Variants in URB2 observed in about 807,000 individuals in gnomAD.
URB2 encodes unhealthy ribosome biogenesis protein 2 homolog.
URB2 carries 86 observed loss-of-function variants against 120.9 expected under a neutral mutation model. The observed-to-expected ratio is 0.71, with a 90% CI of 0.60 to 0.85. The LOEUF (loss-of-function observed/expected upper bound fraction) is 0.85, where lower values mean the gene tolerates loss of function less well. URB2 is among the 40% of genes least tolerant of loss of function. The probability of loss-of-function intolerance (pLI) is 0.00; values close to 1 mark genes in which losing one functional copy is unlikely to be tolerated. For synonymous variants in URB2, 755 were observed against 758.4 expected (o/e 1.00, Z 0.07); for missense variants, 1,765 against 1,836.5 (o/e 0.96, Z 0.71).
At chr1:229,654,168 C>G in intron 8 of URB2, 81 bp from the exon 9 acceptor site, 1 of 1,562,298 alleles carries the variant, frequency 6.4e-7, no homozygotes. Context: ...TAATTTTCAC[C>G]CATATTAAAA....
intron 8 of URB2, among the ~76,000 whole-genome samples, chr1:229,652,939 C>A (rs1666316187): frequency 6.6e-6 from 1 of 152,228 alleles, no homozygotes; most frequent in Non-Finnish European, 1.5e-5. Context: ...TTCTCAGACA[C>A]ATTCATGGCT....
chr1:229,638,337 G>C, intron 4 of URB2, 90 bp downstream of exon 4: 4 of 1,387,352 alleles, frequency 2.9e-6, no homozygotes, highest in Non-Finnish European at 3.9e-6. Context: ...GTGAACACGT[G>C]ATGTGTTCAA....
chr1:229,656,281 C>G (rs1192618962), intron 9 of URB2, among the ~76,000 whole-genome samples: 1 of 152,214 alleles, frequency 6.6e-6, no homozygotes, highest in Non-Finnish European at 1.5e-5. Context: ...TATCACTTCA[C>G]TAAGAGCCAA....
intron 9 of URB2, among the ~76,000 whole-genome samples, chr1:229,656,855 T>C (rs16850044): frequency 0.1 from 15,616 of 152,220 alleles, 1,313 homozygotes; most frequent in East Asian, 0.42. Flanking sequence ...TAGAGCAAAT[T>C]TACAATGTCC....
chr1:229,645,832 C>T (rs779256036), intron 5 of URB2, 27 bp from the exon 6 acceptor site: 18 of 1,596,138 alleles, frequency 1.1e-5, no homozygotes, highest in African/African-American at 6.7e-5. Context: ...CTATCTCTGC[C>T]GCTAAGTTTT....
chr1:229,644,633 T>TA (rs1322000456), intron 5 of URB2, among the ~76,000 whole-genome samples: 1 of 151,614 alleles, frequency 6.6e-6, no homozygotes, highest in Non-Finnish European at 1.5e-5. Context: ...AGATAGCCTG[T>TA]AGGTGGGCAG....
At chr1:229,645,266 A>T in intron 5 of URB2, among the ~76,000 whole-genome samples, 1 of 148,792 alleles carries the variant, frequency 6.7e-6, no homozygotes, top group Non-Finnish European at 1.5e-5. Context: ...AGCCTGGGTG[A>T]CAGAGCGAGA....
chr1:229,628,061 C>G (rs1201647952), intron 2 of URB2, among the ~76,000 whole-genome samples: 4 of 144,918 alleles, frequency 2.8e-5, no homozygotes, highest in Non-Finnish European at 6.0e-5. Flanking sequence ...CCAGACTGGA[C>G]AACATAATGA....
At chr1:229,651,903 C>T (rs982540369) in intron 8 of URB2, among the ~76,000 whole-genome samples, 7 of 152,040 alleles carry the variant, frequency 4.6e-5, no homozygotes, top group African/African-American at 1.2e-4. Context: ...AATTGCTGGC[C>T]GGGCGCAGTG....
chr1:229,631,672 G>A (rs796851777), intron 2 of URB2, among the ~76,000 whole-genome samples: 31 of 152,318 alleles, frequency 2.0e-4, no homozygotes, highest in African/African-American at 6.3e-4. Context: ...CATTTTGGTG[G>A]AGCAGTCAGG....
In URB2 at chr1:229,633,786, A is replaced by G. The variant is rs1665726268; in HGVS notation, c.304-1131A>G. Among the ~76,000 whole-genome samples the G allele has an allele frequency of 2.0e-5, 3 of 152,208 alleles. No homozygotes were observed. The South Asian group carries it at 6.2e-4, about 31-fold the overall frequency. On this transcript the variant is annotated intron_variant, in intron 3 of 9. Transcript: ENST00000258243. The stretch of plus-strand genomic sequence containing the variant: ...AATTTTGGAATTTTGAGAGCAGTAG[A>G]CAATAGATTTGCTGTATAATAAGCA...
At chr1:229,627,540 C>A in intron 1 of URB2, 81 bp from the exon 2 acceptor site, 1 of 1,352,378 alleles carries the variant, frequency 7.4e-7, no homozygotes, top group Non-Finnish European at 1.0e-6. Context: ...AGATACAGTA[C>A]TGCAATACTG....
intron 2 of URB2, among the ~76,000 whole-genome samples, chr1:229,629,579 T>A (rs1665612125): frequency 6.6e-6 from 1 of 152,226 alleles, no homozygotes; most frequent in Non-Finnish European, 1.5e-5. Context: ...GTACATATCT[T>A]AATTTTAAAA....
chr1:229,635,235 C>CT lies in URB2; in HGVS notation c.623dup (p.Arg209GlufsTer30). 1.2e-6 allele frequency: 2 copies of CT among 1,614,252 alleles called. No homozygotes were observed. Among genetic ancestry groups the CT allele is most frequent in the Non-Finnish European group, 1.7e-6 (2 of 1,180,060 alleles). On this transcript the variant is annotated frameshift_variant, in exon 4 of 10. Coordinates refer to ENST00000258243, the MANE Select transcript of URB2 (RefSeq NM_014777.4). LOFTEE classifies it high-confidence loss of function. ...TCACCTGCTCCAGCCGTGCCTGGTC[C>CT]TGAGGCACTTACTCTCTGGGGGCAC...
At position 229,637,433 on chromosome 1, in the gene URB2, G is replaced by A. The variant is rs1445004399; in HGVS notation, c.2820G>A (p.Lys940=). The part of the protein sequence containing the change: ...GCSCSSSLAL[K]FLTTCYQLLG... The stretch of plus-strand genomic sequence containing the variant: ...CTTGCTCCTCCTCACTGGCTCTCAA[G>A]TTCTTGACGACTTGCTACCAACTTC... The change falls in exon 4 of 10, where the codon AAG becomes AAA. Residue 940 remains lysine, a synonymous_variant. Coordinates refer to ENST00000258243, the MANE Select transcript of URB2 (RefSeq NM_014777.4). 1 of 1,614,140 alleles carries A rather than the reference G, an allele frequency of 6.2e-7. No individual in the cohort carries two copies. The highest frequency in any genetic ancestry group is 2.2e-5 in the East Asian group (1 of 44,888).
Position 229,638,186 on chromosome 1 carries a change from G to A in URB2, c.3573G>A (p.Leu1191=). 3 of 1,613,122 alleles carry A rather than the reference G, an allele frequency of 1.9e-6. No homozygotes were observed. Among genetic ancestry groups the A allele is most frequent in the Non-Finnish European group, 2.5e-6 (3 of 1,179,714 alleles). The change falls in exon 4 of 10, where the codon CTG becomes CTA. Residue 1191 remains leucine (L), a synonymous_variant. Coordinates refer to ENST00000258243, the MANE Select transcript of URB2 (RefSeq NM_014777.4). ...FLTLFFLAPE[L]HPKKDSVFTS... The stretch of plus-strand genomic sequence containing the variant: ...CTCTGTTCTTTTTGGCCCCAGAACT[G>A]CATCCCAAAAAGGACTCCGTGTTTA...
At chr1:229,632,220 T>C (rs778868713) in intron 2 of URB2, 49 bp from the exon 3 acceptor site, 2 of 1,474,488 alleles carry the variant, frequency 1.4e-6, no homozygotes, top group Non-Finnish European at 1.8e-6. Flanking sequence ...CTAACATCTT[T>C]CTCTCAGCAA....
intron 2 of URB2, among the ~76,000 whole-genome samples, chr1:229,629,573 A>G (rs915081687): frequency 6.6e-6 from 1 of 152,228 alleles, no homozygotes; most frequent in Non-Finnish European, 1.5e-5. Flanking sequence ...AAAAAAGTAC[A>G]TATCTTAATT....
chr1:229,639,103 C>T (rs1665936799), intron 4 of URB2, among the ~76,000 whole-genome samples: 1 of 151,990 alleles, frequency 6.6e-6, no homozygotes, highest in Non-Finnish European at 1.5e-5. Context: ...TGCTTGAGTC[C>T]AGGCAACATG....
Sources: allele counts gnomAD v4.1 joint callset (sites outside exome capture counted in the v4.1 genomes callset), GRCh38; gene constraint gnomAD v4.1.1; transcripts MANE v1.5; gene names NCBI Gene and HGNC (gene_info 2026-07-23, HGNC 2026-07-21).